CACNA2D3: variants seen among roughly 807,000 people sequenced by gnomAD.
CACNA2D3 encodes the protein calcium voltage-gated channel auxiliary subunit alpha2delta 3, also known as voltage-dependent calcium channel subunit alpha-2/delta-3.
CACNA2D3 carries 60 observed loss-of-function variants against 160.6 expected under a neutral mutation model. That is an observed-to-expected ratio of 0.37 (90% CI 0.30 to 0.46). The LOEUF is 0.46. CACNA2D3 is among the 20% of genes least tolerant of loss of function. CACNA2D3 has a pLI of 1.00. For synonymous variants in CACNA2D3, 558 were observed against 492.9 expected, an observed-to-expected ratio of 1.13 and a Z score of -1.75; for missense variants, 1,205 against 1,365.0, an observed-to-expected ratio of 0.88 and a Z score of 1.85.
At chr3:54,759,665 T>G (rs576791942) in intron 12 of CACNA2D3, among the ~76,000 whole-genome samples, 1 of 152,274 alleles carries the variant, frequency 6.6e-6, no homozygotes, top group African/African-American at 2.4e-5. Context: ...TAGACTGGGG[T>G]TTGAGTAGAT....
intron 3 of CACNA2D3, among the ~76,000 whole-genome samples, chr3:54,366,696 A>G (rs1467646793): frequency 6.6e-6 from 1 of 152,244 alleles, no homozygotes; most frequent in African/African-American, 2.4e-5. Context: ...TATGCATTTC[A>G]CTTTGGAAAT....
At chr3:54,862,620 C>T (rs1007682281) in intron 17 of CACNA2D3, among the ~76,000 whole-genome samples, 1 of 152,140 alleles carries the variant, frequency 6.6e-6, no homozygotes, top group Non-Finnish European at 1.5e-5. Context: ...AAGGCTCTCT[C>T]TGTTCCTCAG....
At chr3:54,983,913 C>G (rs1575421627) in intron 29 of CACNA2D3, among the ~76,000 whole-genome samples, 1 of 152,290 alleles carries the variant, frequency 6.6e-6, no homozygotes, top group East Asian at 1.9e-4. Flanking sequence ...AAATCATTCA[C>G]TTGAGATTAA....
intron 27 of CACNA2D3, among the ~76,000 whole-genome samples, chr3:54,947,536 G>A (rs1701646000): frequency 1.3e-5 from 2 of 152,162 alleles, no homozygotes. Flanking sequence ...CTGTGGGTTA[G>A]CAGCATATAT....
At chr3:54,276,414 A>C (rs555991106) in intron 2 of CACNA2D3, among the ~76,000 whole-genome samples, 9 of 152,152 alleles carry the variant, frequency 5.9e-5, no homozygotes, top group African/African-American at 7.2e-5. Flanking sequence ...ACTAAAAAAA[A>C]CCACAAAAAT....
intron 2 of CACNA2D3, among the ~76,000 whole-genome samples, chr3:54,287,190 G>A (rs954692581): frequency 2.0e-4 from 31 of 152,174 alleles, no homozygotes; most frequent in African/African-American, 3.9e-4. Context: ...CCCATCTCAC[G>A]TGCAGAGACA....
rs1559469603 is a variant in CACNA2D3 at position 55,033,830 on chromosome 3, A to ATATGTATTATATATTAAATATATTT, written c.2987+15516_2987+15517insGTATTATATATTAAATATATTTTAT. ...ATGTATTATATATTAAATATATTTAATATATAATATATATTACATATTAAA... is the reference window on the plus strand; with the variant it reads ...ATGTATTATATATTAAATATATTTAATATGTATTATATATTAAATATATTTTATATAATATATATTACATATTAAA... On this transcript the variant is annotated intron_variant, in intron 35 of 37. Coordinates refer to ENST00000474759, the MANE Select transcript of CACNA2D3 (RefSeq NM_018398.3). Among the ~76,000 whole-genome samples the ATATGTATTATATATTAAATATATTT allele has an allele frequency of 5.0e-4, 24 of 47,896 alleles. 8 individuals carry two copies. The highest frequency in any genetic ancestry group is 9.2e-4 in the Admixed American group (3 of 3,276). The allele number at this position is 47,896 out of a possible 152,430, so 31.4% of individuals were successfully genotyped here.
At chr3:54,837,697 CTCTT>C (rs1228079951) in intron 15 of CACNA2D3, among the ~76,000 whole-genome samples, 1 of 152,120 alleles carries the variant, frequency 6.6e-6, no homozygotes, top group Non-Finnish European at 1.5e-5. Context: ...TTCTCCTTGC[CTCTT>C]TCAGCTTCTC....
Position 55,024,113 on chromosome 3 carries a change from C to T in CACNA2D3, c.2987+5796C>T, listed in dbSNP as rs1463926793. ...CACCACAAGAAAGTACTGAAGTGTA[C>T]GGTTCATGCAGGAGCCTTGGAAGCA... On this transcript the variant is annotated intron_variant, in intron 35 of 37. Transcript: ENST00000474759. 5.1e-4 allele frequency among the ~76,000 whole-genome samples: 68 copies of T among 133,934 alleles called. 1 individual carries two copies. In the Admixed American group the frequency reaches 5.8e-3, roughly 11 times the overall value. The allele number at this position is 133,934 out of a possible 152,430, so 87.9% of individuals were successfully genotyped here.
rs1559876259 is a variant in CACNA2D3 at position 54,188,260 on chromosome 3, CAAACAAACA to C, written c.204+64670_204+64678del. Reference sequence around the variant, plus strand: ...ACAAACAAACAAACAAACAAACAAACAAACAAACAAAAAAACCAGTAGCAGGAGAGGCTG... The same window carrying C: ...ACAAACAAACAAACAAACAAACAAACAAAAAACCAGTAGCAGGAGAGGCTG... On this transcript the variant is annotated intron_variant, in intron 2 of 37. Transcript: ENST00000474759. Among the ~76,000 whole-genome samples, 510 of 93,392 alleles carry C rather than the reference CAAACAAACA, an allele frequency of 5.5e-3. 3 individuals are homozygous for C. Among genetic ancestry groups the C allele is most frequent in the African/African-American group, 0.019 (461 of 24,294 alleles). 61.3% of individuals were successfully genotyped at this position (93,392 alleles called of 152,430 possible). A position where few individuals can be genotyped will look rare whatever the true frequency, so the allele number is the denominator to read the frequency against.
At chr3:54,216,596 CA>C (rs1701467680) in intron 2 of CACNA2D3, among the ~76,000 whole-genome samples, 1 of 152,218 alleles carries the variant, frequency 6.6e-6, no homozygotes, top group Non-Finnish European at 1.5e-5. Context: ...AAAAGCATTT[CA>C]CAGAAGGCGT....
chr3:55,074,497 A>T lies in CACNA2D3; in HGVS notation c.*291A>T. ...TGGTAGGCAGTGTCCCTTCTGCTTG[A>T]AACCTATTGAAACCAATTTAAAACT... On this transcript the variant is annotated 3_prime_UTR_variant, in exon 38 of 38. Transcript: ENST00000474759. 1 of 352,342 alleles carries T rather than the reference A, an allele frequency of 2.8e-6. No individual in the cohort carries two copies. The allele number at this position is 352,342 out of a possible 1,614,324, so 21.8% of individuals were successfully genotyped here.
chr3:54,964,380 C>G (rs920220565), intron 27 of CACNA2D3, among the ~76,000 whole-genome samples: 4 of 150,170 alleles, frequency 2.7e-5, no homozygotes, highest in African/African-American at 9.7e-5. Flanking sequence ...TCTGGACTGT[C>G]TAAAACATTA....
At chr3:54,344,571 C>G (rs1271474421) in intron 3 of CACNA2D3, among the ~76,000 whole-genome samples, 1 of 152,214 alleles carries the variant, frequency 6.6e-6, no homozygotes, top group Non-Finnish European at 1.5e-5. Flanking sequence ...CAACTTTTCT[C>G]TAGGTGGAGA....
rs547931975 is a variant in CACNA2D3 at position 54,350,978 on chromosome 3, T to G, written c.321+30420T>G. 1.4e-3 allele frequency among the ~76,000 whole-genome samples: 65 copies of G among 46,268 alleles called. 1 individual carries two copies. Among genetic ancestry groups the G allele is most frequent in the South Asian group, 4.1e-3 (6 of 1,462 alleles). The allele number at this position is 46,268 out of a possible 152,430, so 30.4% of individuals were successfully genotyped here. On this transcript the variant is annotated intron_variant, in intron 3 of 37. Coordinates refer to ENST00000474759, the MANE Select transcript of CACNA2D3 (RefSeq NM_018398.3). ...TGAGATCTTGAGTCTGTTTTTTTTT[T>G]TTTGTTTGTTTTTTTTTTTTTTTTT... is the stretch of plus-strand genomic sequence containing the variant.
At chr3:54,552,408 T>G (rs1702173117) in intron 5 of CACNA2D3, among the ~76,000 whole-genome samples, 1 of 152,162 alleles carries the variant, frequency 6.6e-6, no homozygotes, top group Admixed American at 6.5e-5. Flanking sequence ...GTTACCCTGG[T>G]CCGTGGACTG....
chr3:54,953,388 A>G (rs78126995), intron 27 of CACNA2D3, among the ~76,000 whole-genome samples: 40 of 152,254 alleles, frequency 2.6e-4, no homozygotes, highest in African/African-American at 9.4e-4. Flanking sequence ...GGGCCCGGTA[A>G]CACTACGGCT....
chr3:54,743,354 T>A (rs369312448), intron 11 of CACNA2D3, among the ~76,000 whole-genome samples: 1 of 152,104 alleles, frequency 6.6e-6, no homozygotes, highest in Non-Finnish European at 1.5e-5. Flanking sequence ...GGGTTAGCCA[T>A]GCAAACAGGA....
intron 35 of CACNA2D3, among the ~76,000 whole-genome samples, chr3:55,031,356 C>G (rs1267218691): frequency 6.6e-6 from 1 of 152,158 alleles, no homozygotes; most frequent in Non-Finnish European, 1.5e-5. Context: ...CCAGCTTGCC[C>G]TCCATTTGTT....
Sources: allele counts gnomAD v4.1 joint callset (sites outside exome capture counted in the v4.1 genomes callset), GRCh38; gene constraint gnomAD v4.1.1; transcripts MANE v1.5; gene names NCBI Gene and HGNC (gene_info 2026-07-23, HGNC 2026-07-21).